The following DDX21 variants were observed in gnomAD, a reference collection of about 807,000 sequenced individuals.
DDX21 encodes DExD-box helicase 21, also known as nucleolar RNA helicase 2.
Under a neutral mutation model 90.0 loss-of-function variants are expected in DDX21, and 18 were observed. The ratio of observed to expected loss-of-function variants is 0.20; its 90% CI spans 0.14 to 0.30. The LOEUF (loss-of-function observed/expected upper bound fraction) is 0.30. Ranked by LOEUF, DDX21 falls within the 10% of genes least tolerant of loss-of-function variation. DDX21 has a pLI of 1.00. For synonymous variants in DDX21, 294 were observed against 318.0 expected (o/e 0.92, Z 0.80); for missense variants, 673 against 944.5 (o/e 0.71, Z 3.77).
chr10:68,956,351 T>A (rs1440508444), intron 1 of DDX21, 39 bp downstream of exon 1: 1 of 1,612,112 alleles, frequency 6.2e-7, no homozygotes, highest in African/African-American at 1.3e-5. Flanking sequence ...GGACGCTGAA[T>A]GGAGCGGAAC....
Position 68,965,382 on chromosome 10 carries a change from G to C in DDX21, c.792G>C (p.Leu264=). 6.2e-7 allele frequency: 1 copy of C among 1,612,698 alleles called. No individual in the cohort carries two copies. The highest frequency in any genetic ancestry group is 8.5e-7 in the Non-Finnish European group (1 of 1,179,104). The change falls in exon 5 of 15, where the codon CTG becomes CTC. Residue 264 remains leucine, a synonymous_variant. Coordinates refer to ENST00000354185, the MANE Select transcript of DDX21 (RefSeq NM_004728.4). ...DRKRGRAPQV[L]VLAPTRELAN... ...CAATTATTTTTCTTTATCAGGTACT[G>C]GTTCTTGCACCTACAAGAGAGTTGG...
rs1842926508 is a variant in DDX21, at chr10:68,965,389, G to T, written c.799G>T (p.Ala267Ser). 1 of 1,613,354 alleles carries T rather than the reference G, an allele frequency of 6.2e-7. No individual in the cohort carries two copies. The highest frequency in any genetic ancestry group is 1.3e-5 in the African/African-American group (1 of 74,900). Residue 267 changes from alanine (A) to serine (S), a missense_variant, in exon 5 of 15, where the codon GCA (alanine) becomes TCA (serine). Ala to Ser is a moderately conservative substitution (Grantham distance 99). Transcript: ENST00000354185. ...TTTTCTTTATCAGGTACTGGTTCTTGCACCTACAAGAGAGTTGGCAAATCA... is the reference window on the plus strand; with the variant it reads ...TTTTCTTTATCAGGTACTGGTTCTTTCACCTACAAGAGAGTTGGCAAATCA... ...RGRAPQVLVL[A>S]PTRELANQVS...
At chr10:68,972,490 C>G (rs1843039933) in intron 9 of DDX21, among the ~76,000 whole-genome samples, 1 of 152,156 alleles carries the variant, frequency 6.6e-6, no homozygotes, top group Non-Finnish European at 1.5e-5. Flanking sequence ...GTGGATAGTT[C>G]TTCACGTAAA....
At chr10:68,966,387 T>C (rs976790971) in intron 5 of DDX21, among the ~76,000 whole-genome samples, 20 of 150,862 alleles carry the variant, frequency 1.3e-4, no homozygotes, top group African/African-American at 4.9e-4. Flanking sequence ...AAGTAATTTC[T>C]TTCCTGATGC....
At chr10:68,968,913 T>G in intron 6 of DDX21, 63 bp from the exon 7 acceptor site, 1 of 1,563,258 alleles carries the variant, frequency 6.4e-7, no homozygotes, top group Non-Finnish European at 8.7e-7. Context: ...TTAGGTTAGG[T>G]GGAATACTAT....
intron 11 of DDX21, among the ~76,000 whole-genome samples, chr10:68,976,049 CA>C (rs58243000): frequency 0.65 from 88,271 of 136,208 alleles, 28,545 homozygotes; most frequent in East Asian, 0.88. Flanking sequence ...AACTCTGTCT[CA>C]AAAAAAAAAA....
At chr10:68,977,727 G>A in intron 12 of DDX21, 39 bp downstream of exon 12, 1 of 1,573,450 alleles carries the variant, frequency 6.4e-7, no homozygotes, top group Non-Finnish European at 8.7e-7. Flanking sequence ...TTCATAATTT[G>A]GGGTATGAGC....
chr10:68,971,198 A>C (rs1186457913), intron 8 of DDX21, among the ~76,000 whole-genome samples: 2 of 151,896 alleles, frequency 1.3e-5, no homozygotes, highest in African/African-American at 4.8e-5. Flanking sequence ...AGGTTGTGCC[A>C]CAGTCACCAC....
chr10:68,977,745 G>A, intron 12 of DDX21, 57 bp downstream of exon 12: 1 of 1,492,320 alleles, frequency 6.7e-7, no homozygotes, highest in Non-Finnish European at 9.0e-7. Context: ...AGCAGGATAT[G>A]AAAGGGTTTC....
intron 11 of DDX21, among the ~76,000 whole-genome samples, 165 bp from the exon 12 acceptor site, chr10:68,977,363 GA>G (rs1843115948): frequency 6.6e-6 from 1 of 152,126 alleles, no homozygotes; most frequent in African/African-American, 2.4e-5. Context: ...ACAGTCAAAG[GA>G]ATGGATTTAT....
chr10:68,964,598 G>A (rs188161426), intron 4 of DDX21, among the ~76,000 whole-genome samples: 2 of 148,660 alleles, frequency 1.3e-5, no homozygotes, highest in Admixed American at 6.8e-5. Context: ...CTGACGTCAA[G>A]TGATCCACCC....
At chr10:68,976,622 A>G (rs992259990) in intron 11 of DDX21, among the ~76,000 whole-genome samples, 1 of 151,948 alleles carries the variant, frequency 6.6e-6, no homozygotes, top group African/African-American at 2.4e-5. Flanking sequence ...TTTCAAATTT[A>G]TTTTAGCATG....
At chr10:68,966,173 G>A (rs1842936148) in intron 5 of DDX21, among the ~76,000 whole-genome samples, 1 of 151,756 alleles carries the variant, frequency 6.6e-6, no homozygotes, top group South Asian at 2.1e-4. Context: ...GCAGGCACCT[G>A]TAGTCCCAGC....
chr10:68,976,967 C>T (rs930037316), intron 11 of DDX21, among the ~76,000 whole-genome samples: 2 of 151,258 alleles, frequency 1.3e-5, no homozygotes, highest in African/African-American at 4.9e-5. Context: ...TTTAAAGAGA[C>T]GGAGTTTCTT....
intron 7 of DDX21, among the ~76,000 whole-genome samples, chr10:68,969,327 T>C (rs1842987968): frequency 6.6e-6 from 1 of 152,244 alleles, no homozygotes; most frequent in South Asian, 2.1e-4. Flanking sequence ...GTCACCAGGC[T>C]GGAGTGCAGT....
In DDX21 at chr10:68,970,175, A is replaced by G. The variant is rs1441364613; in HGVS notation, c.1237-26A>G. 4 of 1,594,010 alleles carry G rather than the reference A, an allele frequency of 2.5e-6. No individual in the cohort carries two copies. In the East Asian group the frequency reaches 6.7e-5, roughly 27 times the overall value. On this transcript the variant is annotated intron_variant, in intron 7 of 14. Transcript: ENST00000354185. ...AGTTTCCAGCAAAGCTTTACTAAAT[A>G]GATGTTTTTTTTCTTCTTACATAAG...
At chr10:68,976,677 C>T (rs1197644579) in intron 11 of DDX21, among the ~76,000 whole-genome samples, 1 of 152,030 alleles carries the variant, frequency 6.6e-6, no homozygotes, top group African/African-American at 2.4e-5. Flanking sequence ...CCTTGGGTGC[C>T]AGTTAAGGAG....
At chr10:68,964,116 A>AG (rs1420740049) in intron 4 of DDX21, 5 of 431,088 alleles carry the variant, frequency 1.2e-5, no homozygotes, top group African/African-American at 4.2e-5. Flanking sequence ...AAAAAAAAAA[A>AG]AAAAGAAAAG....
chr10:68,974,988 T>G (rs968195145), intron 11 of DDX21, among the ~76,000 whole-genome samples: 2 of 151,290 alleles, frequency 1.3e-5, no homozygotes, highest in African/African-American at 4.9e-5. Flanking sequence ...ACTGATAACC[T>G]GTTTATCAAA....
Sources: gnomAD v4.1 joint callset for allele counts (sites outside exome capture counted in the v4.1 genomes callset) on GRCh38, gnomAD v4.1.1 for gene constraint, MANE v1.5 for transcripts, NCBI Gene and HGNC (gene_info 2026-07-23, HGNC 2026-07-21) for gene names.